RSBN1L: variants seen among roughly 807,000 people sequenced by gnomAD.
RSBN1L encodes lysine-specific demethylase RSBN1L.
RSBN1L carries 30 observed loss-of-function variants against 67.7 expected under a neutral mutation model. That is an observed-to-expected ratio of 0.44 (90% CI 0.33 to 0.60). RSBN1L has a LOEUF of 0.60. Ranked by LOEUF, RSBN1L falls within the 20% of genes least tolerant of loss-of-function variation. The pLI is 0.02. For synonymous variants in RSBN1L, 433 were observed against 387.0 expected (o/e 1.12, Z -1.39); for missense variants, 992 against 1,031.7 (o/e 0.96, Z 0.53).
chr7:77,726,326 G>T (rs550755945), intron 1 of RSBN1L, among the ~76,000 whole-genome samples: 1 of 151,972 alleles, frequency 6.6e-6, no homozygotes, highest in Non-Finnish European at 1.5e-5. Context: ...ATCATGTCTC[G>T]TTAGATTCCT....
Position 77,765,515 on chromosome 7 carries a change from T to C in RSBN1L, c.1365T>C (p.His455=), listed in dbSNP as rs762778263. 10 of 1,590,326 alleles carry C rather than the reference T, an allele frequency of 6.3e-6. No homozygotes were observed. The Admixed American group carries it at 1.6e-4, about 25-fold the overall frequency. ...TTCAGGTAAAAAGAACGTATTCTCA[T>C]GGTACTTACAGAGCTGGCCCAATGA... The part of the protein sequence containing the change: ...FHAQVKRTYS[H]GTYRAGPMRQ... The change falls in exon 4 of 8, where the codon CAT becomes CAC. Residue 455 remains histidine, a synonymous_variant. Transcript: ENST00000334955.
At position 77,778,767 on chromosome 7, in the gene RSBN1L, T is replaced by G. The variant is rs1791952260; in HGVS notation, c.2140T>G (p.Ser714Ala). Reference sequence around the variant, plus strand: ...TCATGAAACAGGCACATCATCAGATTCCACATCATCTGTTCTTGGACCTCA... The same window carrying G: ...TCATGAAACAGGCACATCATCAGATGCCACATCATCTGTTCTTGGACCTCA... ...ATHETGTSSD[S>A]TSSVLGPHTD... is the part of the protein sequence containing the mutation. The change falls in exon 8 of 8, where the codon TCC becomes GCC. Residue 714 changes from serine (S) to alanine (A), a missense_variant. Physicochemically the swap from Ser to Ala is moderately conservative, Grantham distance 99 (BLOSUM62 1). Coordinates refer to ENST00000334955, the MANE Select transcript of RSBN1L (RefSeq NM_198467.3). The G allele has an allele frequency of 6.2e-7, 1 of 1,614,182 alleles. No individual in the cohort carries two copies. The highest frequency in any genetic ancestry group is 1.3e-5 in the African/African-American group (1 of 75,066).
In RSBN1L at chr7:77,749,427, G is replaced by A. The variant is rs1483982927; in HGVS notation, c.707G>A (p.Gly236Glu). 2 of 1,546,724 alleles carry A rather than the reference G, an allele frequency of 1.3e-6. No homozygotes were observed. The highest frequency in any genetic ancestry group is 1.7e-6 in the Non-Finnish European group (2 of 1,152,662). ...NGEVKILLKS[G>E]KEKPKTNIED... ...CAAAAAACATTTTTTCCAACAGGTG[G>A]GAAGGAGAAACCAAAAACAAATATA... is the stretch of plus-strand genomic sequence containing the variant. Residue 236 changes from glycine (G) to glutamate (E), a missense_variant, in exon 3 of 8, where the codon GGG (glycine) becomes GAG (glutamate). Coordinates refer to ENST00000334955, the MANE Select transcript of RSBN1L (RefSeq NM_198467.3).
chr7:77,708,902 A>G (rs1790930502), intron 1 of RSBN1L, among the ~76,000 whole-genome samples: 1 of 152,234 alleles, frequency 6.6e-6, no homozygotes, highest in African/African-American at 2.4e-5. Flanking sequence ...GAAAACCTAG[A>G]GAGAAATATA....
intron 6 of RSBN1L, among the ~76,000 whole-genome samples, chr7:77,776,363 C>T (rs1173363116): frequency 6.6e-6 from 1 of 152,154 alleles, no homozygotes; most frequent in Admixed American, 6.5e-5. Flanking sequence ...ACCACCAAAA[C>T]GATAGAACAT....
At position 77,778,409 on chromosome 7, in the gene RSBN1L, G is replaced by A. The variant is rs945740394; in HGVS notation, c.1865G>A (p.Arg622Gln). Residue 622 changes from arginine (R) to glutamine (Q), a missense_variant, in exon 7 of 8, where the codon CGA becomes CAA. This residue lies in a region of RSBN1L where 55 missense variants were observed against 112.8 expected (regional missense o/e 0.49). Coordinates refer to ENST00000334955, the MANE Select transcript of RSBN1L (RefSeq NM_198467.3). ...GAAGATTTCTTAGAAGTAGTTCAACGAATGCAGTTAGATTTACATGAACCT... is the reference window on the plus strand; with the variant it reads ...GAAGATTTCTTAGAAGTAGTTCAACAAATGCAGTTAGATTTACATGAACCT... ...HAEDFLEVVQ[R>Q]MQLDLHEPPL... is the part of the protein sequence containing the mutation. 3 of 1,613,230 alleles carry A rather than the reference G, an allele frequency of 1.9e-6. No individual in the cohort carries two copies. The highest frequency in any genetic ancestry group is 2.5e-6 in the Non-Finnish European group (3 of 1,179,546).
intron 1 of RSBN1L, among the ~76,000 whole-genome samples, chr7:77,712,748 A>G (rs753221493): frequency 3.3e-5 from 5 of 152,220 alleles, no homozygotes; most frequent in Non-Finnish European, 7.3e-5. Context: ...ATAAACCATA[A>G]TATATTTAAC....
chr7:77,701,713 A>G (rs1790821407), intron 1 of RSBN1L, among the ~76,000 whole-genome samples: 1 of 143,820 alleles, frequency 7.0e-6, no homozygotes, highest in African/African-American at 2.6e-5. Context: ...GTGCAGTGGC[A>G]TGATCTTGGC....
At chr7:77,766,107 C>G (rs940898097) in intron 4 of RSBN1L, among the ~76,000 whole-genome samples, 2 of 152,220 alleles carry the variant, frequency 1.3e-5, no homozygotes, top group African/African-American at 2.4e-5. Context: ...CTGTACTTAT[C>G]TGGGTTGGGC....
At chr7:77,720,763 C>CTTTTTTTTTTTTTTTTTTTTTT (rs34070122) in intron 1 of RSBN1L, among the ~76,000 whole-genome samples, 11 of 104,370 alleles carry the variant, frequency 1.1e-4, no homozygotes, top group Non-Finnish European at 1.3e-4. Context: ...TTTTCTTTTT[C>CTTTTTTTTTTTTTTTTTTTTTT]TTTTTTTTTT....
intron 5 of RSBN1L, among the ~76,000 whole-genome samples, chr7:77,771,089 A>C (rs1447061639): frequency 2.0e-5 from 3 of 151,844 alleles, no homozygotes; most frequent in Non-Finnish European, 4.4e-5. Flanking sequence ...CTACAGGCGC[A>C]CGCCACCACA....
intron 1 of RSBN1L, among the ~76,000 whole-genome samples, chr7:77,709,716 G>A (rs562509468): frequency 5.2e-4 from 79 of 152,184 alleles, no homozygotes; most frequent in African/African-American, 1.8e-3. Flanking sequence ...CTGCCACTAA[G>A]TTTCAGCATT....
At chr7:77,732,999 AG>A (rs1376662145) in intron 1 of RSBN1L, among the ~76,000 whole-genome samples, 2 of 152,152 alleles carry the variant, frequency 1.3e-5, no homozygotes. Context: ...GAGGCATTTA[AG>A]GTTGGATTTT....
rs1432381231 is a variant in RSBN1L, at chr7:77,736,516, T to G, written c.693T>G (p.Ile231Met). The G allele has an allele frequency of 4.6e-6, 6 of 1,313,632 alleles. No homozygotes were observed. In the African/African-American group the frequency reaches 4.6e-5, roughly 10 times the overall value. 81.4% of individuals were successfully genotyped at this position (1,313,632 alleles called of 1,614,324 possible). The change falls in exon 2 of 8, where the codon ATT (isoleucine) becomes ATG (methionine). Residue 231 changes from isoleucine to methionine, a missense_variant. Ile to Met is a conservative substitution (Grantham distance 10, BLOSUM62 1). This residue lies in a region of RSBN1L where 575 missense variants were observed against 483.2 expected (regional missense o/e 1.19). Coordinates refer to ENST00000334955, the MANE Select transcript of RSBN1L (RefSeq NM_198467.3). ...EIKKENGEVK[I>M]LLKSGKEKPK... is the part of the protein sequence containing the mutation. ...AGAAAGAGAATGGAGAAGTAAAGAT[T>G]TTGCTGAAAAGTAAGTTTTATTCAG...
At chr7:77,773,982 G>A (rs1321234936) in intron 6 of RSBN1L, among the ~76,000 whole-genome samples, 1 of 152,092 alleles carries the variant, frequency 6.6e-6, no homozygotes, top group Non-Finnish European at 1.5e-5. Context: ...TGAGGCTCAG[G>A]GCTGTCAAAT....
At chr7:77,736,289 ATTTG>A in intron 1 of RSBN1L, 117 bp from the exon 2 acceptor site, 1 of 354,034 alleles carries the variant, frequency 2.8e-6, no homozygotes, top group Non-Finnish European at 4.7e-6. Context: ...AAAAGGCATT[ATTTG>A]TTCCTCATTC....
At chr7:77,763,149 CTT>C (rs11440608) in intron 3 of RSBN1L, among the ~76,000 whole-genome samples, 27 of 126,942 alleles carry the variant, frequency 2.1e-4, no homozygotes, top group Admixed American at 1.4e-3. Flanking sequence ...TATAATTTGA[CTT>C]TTTTTTTTTT....
chr7:77,750,357 AG>A lies in RSBN1L; in HGVS notation c.1344+294del, dbSNP rs201286644. Among the ~76,000 whole-genome samples the A allele has an allele frequency of 7.8e-3, 836 of 107,402 alleles. 14 individuals are homozygous for A. The highest frequency in any genetic ancestry group is 0.031 in the Middle Eastern group (3 of 98). 70.5% of individuals were successfully genotyped at this position (107,402 alleles called of 152,430 possible). Reference sequence around the variant, plus strand: ...GTCTTGAACCTAAGGAAATGAATTTAGCCATGTATTTTCCAGTCCTTAAATA... The same window carrying A: ...GTCTTGAACCTAAGGAAATGAATTTACCATGTATTTTCCAGTCCTTAAATA... On this transcript the variant is annotated intron_variant, in intron 3 of 7. Coordinates refer to ENST00000334955, the MANE Select transcript of RSBN1L (RefSeq NM_198467.3).
At chr7:77,760,644 A>G (rs1362514604) in intron 3 of RSBN1L, among the ~76,000 whole-genome samples, 1 of 151,992 alleles carries the variant, frequency 6.6e-6, no homozygotes, top group Non-Finnish European at 1.5e-5. Flanking sequence ...TAGTTAACTT[A>G]TTTTTTGAGA....
Sources: allele counts gnomAD v4.1 joint callset (sites outside exome capture counted in the v4.1 genomes callset), GRCh38; gene constraint gnomAD v4.1.1; regional missense constraint gnomAD v4.1.1; transcripts MANE v1.5; gene names NCBI Gene and HGNC (gene_info 2026-07-23, HGNC 2026-07-21).